The following ENTREP2 variants were observed in gnomAD, a reference collection of about 807,000 sequenced individuals.
ENTREP2 encodes the protein protein ENTREP2.
the ENTREP2 span, among the ~76,000 whole-genome samples, chr15:29,538,572 A>C: frequency 6.6e-6 from 1 of 150,684 alleles, no homozygotes; most frequent in Non-Finnish European, 1.5e-5. Context: ...AGGCGGGCAG[A>C]TCACAAGATC....
chr15:29,557,888 C>T, the ENTREP2 span, among the ~76,000 whole-genome samples: 2 of 152,142 alleles, frequency 1.3e-5, no homozygotes, highest in Non-Finnish European at 2.9e-5. Context: ...CCGCTCATGC[C>T]TATCTTGGAG....
the ENTREP2 span, among the ~76,000 whole-genome samples, chr15:29,118,825 C>T: frequency 6.6e-6 from 1 of 152,178 alleles, no homozygotes; most frequent in Admixed American, 6.5e-5. Flanking sequence ...TCATGGCCAC[C>T]GTTCTGGTGT....
the ENTREP2 span, among the ~76,000 whole-genome samples, chr15:29,659,381 G>A: frequency 6.6e-6 from 1 of 152,186 alleles, no homozygotes; most frequent in Non-Finnish European, 1.5e-5. Flanking sequence ...TGAGGCGGAA[G>A]AGTTGCTTGA....
chr15:29,219,185 C>A, the ENTREP2 span, among the ~76,000 whole-genome samples: 1 of 151,478 alleles, frequency 6.6e-6, no homozygotes, highest in African/African-American at 2.4e-5. Context: ...AGAAGATATA[C>A]AAATGGCCAA....
At chr15:29,515,542 C>T in the ENTREP2 span, among the ~76,000 whole-genome samples, 6 of 152,172 alleles carry the variant, frequency 3.9e-5, no homozygotes, top group Non-Finnish European at 7.4e-5. Flanking sequence ...AAGTTACCAT[C>T]ACAAACCACA....
At chr15:29,549,890 C>T in the ENTREP2 span, among the ~76,000 whole-genome samples, 1 of 152,268 alleles carries the variant, frequency 6.6e-6, no homozygotes, top group East Asian at 1.9e-4. Flanking sequence ...TGTGTCAAGA[C>T]AGTGAGATTC....
chr15:29,515,905 T>C, the ENTREP2 span, among the ~76,000 whole-genome samples: 1 of 152,110 alleles, frequency 6.6e-6, no homozygotes, highest in African/African-American at 2.4e-5. Flanking sequence ...TCAAATATGG[T>C]AGCCACTTGT....
the ENTREP2 span, among the ~76,000 whole-genome samples, chr15:29,173,436 C>T: frequency 6.6e-6 from 1 of 152,250 alleles, no homozygotes; most frequent in African/African-American, 2.4e-5. Flanking sequence ...TCTCTTATTT[C>T]TGGGGATGTG....
the ENTREP2 span, among the ~76,000 whole-genome samples, chr15:29,150,411 T>C: frequency 6.6e-6 from 1 of 152,256 alleles, no homozygotes; most frequent in South Asian, 2.1e-4. Flanking sequence ...GAATGCAAAC[T>C]TTTAGCATTT....
At chr15:29,630,986 G>A in the ENTREP2 span, among the ~76,000 whole-genome samples, 2 of 152,108 alleles carry the variant, frequency 1.3e-5, no homozygotes, top group Non-Finnish European at 2.9e-5. Context: ...TTTAGATTGA[G>A]TAAATTTTAT....
At chr15:29,471,659 A>C in the ENTREP2 span, among the ~76,000 whole-genome samples, 1 of 152,210 alleles carries the variant, frequency 6.6e-6, no homozygotes, top group Admixed American at 6.5e-5. Context: ...AAGGCAATGC[A>C]CGCATACACC....
At chr15:29,384,899 A>G in the ENTREP2 span, among the ~76,000 whole-genome samples, 1 of 152,124 alleles carries the variant, frequency 6.6e-6, no homozygotes. Flanking sequence ...ACGCCCCAAC[A>G]CTGGCCTCAC....
chr15:29,371,363 C>A, the ENTREP2 span, among the ~76,000 whole-genome samples: 7 of 151,530 alleles, frequency 4.6e-5, no homozygotes, highest in African/African-American at 7.3e-5. Flanking sequence ...CACACACACA[C>A]ACACACACAC....
the ENTREP2 span, among the ~76,000 whole-genome samples, chr15:29,168,750 T>A: frequency 6.6e-6 from 1 of 152,342 alleles, no homozygotes; most frequent in South Asian, 2.1e-4. Flanking sequence ...GTAACACATG[T>A]GCTGCTCTAA....
the ENTREP2 span, among the ~76,000 whole-genome samples, chr15:29,538,883 C>G: frequency 6.6e-6 from 1 of 152,110 alleles, no homozygotes; most frequent in South Asian, 2.1e-4. Context: ...GTGTTTGTTC[C>G]TCCTTGGTCT....
the ENTREP2 span, among the ~76,000 whole-genome samples, chr15:29,346,140 A>G: frequency 6.6e-6 from 1 of 152,328 alleles, no homozygotes; most frequent in African/African-American, 2.4e-5. Context: ...GACGCCAAGA[A>G]GAGAACCTGG....
chr15:29,250,566 C>G, the ENTREP2 span, among the ~76,000 whole-genome samples: 1 of 152,162 alleles, frequency 6.6e-6, no homozygotes, highest in Non-Finnish European at 1.5e-5. Flanking sequence ...GCCCTTCAAG[C>G]TTGGGCAATG....
At chr15:29,396,946 GTAAA>G in the ENTREP2 span, among the ~76,000 whole-genome samples, 4 of 152,324 alleles carry the variant, frequency 2.6e-5, no homozygotes, top group African/African-American at 7.2e-5. Context: ...ATTGTTAAAT[GTAAA>G]TAAATAAGCA....
the ENTREP2 span, among the ~76,000 whole-genome samples, chr15:29,214,141 A>G: frequency 4.8e-3 from 725 of 152,314 alleles, 3 homozygotes; most frequent in African/African-American, 0.016. Flanking sequence ...CAATTCCTCA[A>G]GGATCTAGAA....
Sources: gnomAD v4.1 joint callset for allele counts (sites outside exome capture counted in the v4.1 genomes callset) on GRCh38, gnomAD v4.1.1 for gene constraint, MANE v1.5 for transcripts, NCBI Gene and HGNC (gene_info 2026-07-23, HGNC 2026-07-21) for gene names.